FGFR3: variants seen among roughly 807,000 people sequenced by gnomAD.
FGFR3 encodes FGFR-3.
In FGFR3, 25 loss-of-function variants were observed where a neutral mutation model predicts 82.9. The ratio of observed to expected loss-of-function variants is 0.30; its 90% CI spans 0.22 to 0.42. The LOEUF is 0.42. Among genes scored for constraint, FGFR3 ranks in the 10% least tolerant of loss-of-function variants. The pLI is 1.00. For synonymous variants in FGFR3, 620 were observed against 516.0 expected (o/e 1.20, Z -2.73); for missense variants, 1,026 against 1,161.0 (o/e 0.88, Z 1.69).
chr4:1,793,606 C>T lies in FGFR3; in HGVS notation c.-103+141C>T, dbSNP rs17879199. 20,527 of 149,536 alleles carry T rather than the reference C, an allele frequency of 0.14. 1,690 individuals carry two copies. Among genetic ancestry groups the T allele is most frequent in the Middle Eastern group, 0.28 (82 of 288 alleles). 9.3% of individuals were successfully genotyped at this position (149,536 alleles called of 1,614,324 possible). ...GGGCTTCCCGCTCCGGAAAGTTTGC[C>T]GCCGCCGCCGCCCTGGGAGGGCTTT... is the stretch of plus-strand genomic sequence containing the variant. On this transcript the variant is annotated intron_variant, in intron 1 of 17. Transcript: ENST00000440486.
At chr4:1,803,136 C>A in intron 7 of FGFR3, 1 of 1,413,438 alleles carries the variant, frequency 7.1e-7, no homozygotes, top group East Asian at 2.9e-5. Context: ...GCCCTGCACG[C>A]CCCGCACGCC....
At position 1,806,682 on chromosome 4, in the gene FGFR3, C is replaced by T. The variant is rs1283465541; in HGVS notation, c.2167C>T (p.Leu723=). Residue 723 remains leucine, a splice_region_variant and synonymous_variant, in exon 16 of 18, where the codon CTG becomes TTG. Coordinates refer to ENST00000440486, the MANE Select transcript of FGFR3 (RefSeq NM_000142.5). ...MDKPANCTHD[L]YMIMRECWHA... Reference sequence around the variant, plus strand: ...CAAGCCCGCCAACTGCACACACGACCTGTGAGTGGCATCCCTGGCCCTCCA... The same window carrying T: ...CAAGCCCGCCAACTGCACACACGACTTGTGAGTGGCATCCCTGGCCCTCCA... 6.2e-7 allele frequency: 1 copy of T among 1,611,698 alleles called. No homozygotes were observed. Among genetic ancestry groups the T allele is most frequent in the Non-Finnish European group, 8.5e-7 (1 of 1,179,666 alleles).
In FGFR3 at chr4:1,806,699, G is replaced by T. The variant is rs371703270; in HGVS notation, c.2168+16G>T. 9.9e-5 allele frequency: 159 copies of T among 1,611,426 alleles called. No individual in the cohort carries two copies. Among genetic ancestry groups the T allele is most frequent in the Non-Finnish European group, 1.2e-4 (140 of 1,179,866 alleles). ...CACACGACCTGTGAGTGGCATCCCT[G>T]GCCCTCCACTGGGTCCTCAGGGGTG... is the stretch of plus-strand genomic sequence containing the variant. On this transcript the variant is annotated intron_variant, in intron 16 of 17. Coordinates refer to ENST00000440486, the MANE Select transcript of FGFR3 (RefSeq NM_000142.5).
intron 2 of FGFR3, among the ~76,000 whole-genome samples, chr4:1,797,630 G>A (rs1421543871): frequency 6.6e-6 from 1 of 152,246 alleles, no homozygotes; most frequent in African/African-American, 2.4e-5. Flanking sequence ...CGGCCTTCTG[G>A]GGGGCCTCGA....
chr4:1,802,984 G>T (rs1196388487), intron 7 of FGFR3: 1 of 1,600,744 alleles, frequency 6.2e-7, no homozygotes, highest in Admixed American at 1.7e-5. Context: ...CGGGACGGGG[G>T]CGAGTACCTC....
At position 1,807,035 on chromosome 4, in the gene FGFR3, C is replaced by T. The variant is rs961957413; in HGVS notation, c.2275-81C>T. On this transcript the variant is annotated intron_variant, in intron 17 of 17. Transcript: ENST00000440486. ...AGTGCTGAGGTGTGGGGCGGGCCTT[C>T]TGGGGCACAGCCTGGGCACAGAGGT... The T allele has an allele frequency of 4.5e-6, 7 of 1,551,544 alleles. No homozygotes were observed. In the South Asian group the frequency reaches 7.1e-5, roughly 16 times the overall value.
At chr4:1,804,306 G>T (rs202013904) in intron 8 of FGFR3, 24 bp from the exon 9 acceptor site, 454 of 1,576,782 alleles carry the variant, frequency 2.9e-4, no homozygotes, top group Non-Finnish European at 3.6e-4. Flanking sequence ...GCCAGGCCAG[G>T]CCTCAACGCC....
chr4:1,798,044 C>T (rs960946843), intron 2 of FGFR3, among the ~76,000 whole-genome samples: 15 of 151,368 alleles, frequency 9.9e-5, no homozygotes, highest in East Asian at 2.0e-4. Flanking sequence ...GCCCCAAGCC[C>T]GGGACGCCTG....
intron 8 of FGFR3, 96 bp from the exon 9 acceptor site, chr4:1,804,234 G>T: frequency 2.1e-6 from 3 of 1,400,338 alleles, no homozygotes; most frequent in Middle Eastern, 2.1e-4. Context: ...GCCCCCTTCC[G>T]CTCCCAGTGG....
chr4:1,799,613 T>A (rs1026712684), intron 3 of FGFR3, 90 bp downstream of exon 3: 8 of 1,550,012 alleles, frequency 5.2e-6, no homozygotes, highest in African/African-American at 4.1e-5. Flanking sequence ...TGGGGGTCTC[T>A]CTGGTCATTG....
At chr4:1,802,082 G>C in intron 7 of FGFR3, 57 bp downstream of exon 7, 1 of 1,561,722 alleles carries the variant, frequency 6.4e-7, no homozygotes, top group South Asian at 1.2e-5. Flanking sequence ...TGGCCCCAAG[G>C]GTGCCCCTTG....
intron 4 of FGFR3, among the ~76,000 whole-genome samples, 186 bp downstream of exon 4, chr4:1,799,998 C>G (rs532238481): frequency 1.6e-4 from 24 of 152,302 alleles, no homozygotes; most frequent in African/African-American, 5.8e-4. Flanking sequence ...ATGCCCCACC[C>G]TGGTGGCAGG....
chr4:1,795,549 C>G (rs1236858934), intron 2 of FGFR3, among the ~76,000 whole-genome samples: 1 of 152,202 alleles, frequency 6.6e-6, no homozygotes, highest in African/African-American at 2.4e-5. Context: ...ATACAAAGAC[C>G]TCGTGAAATG....
At chr4:1,806,398 A>C (rs1264742414) in intron 15 of FGFR3, 71 bp downstream of exon 15, 5 of 1,604,026 alleles carry the variant, frequency 3.1e-6, no homozygotes, top group Non-Finnish European at 4.3e-6. Context: ...CCCCAGCTGC[A>C]GTCCCCAGGC....
rs751115449 is a variant in FGFR3, at chr4:1,807,252, C to T, written c.2411C>T (p.Ser804Leu). 1.3e-5 allele frequency: 21 copies of T among 1,602,244 alleles called. No individual in the cohort carries two copies. In the South Asian group the frequency reaches 1.6e-4, roughly 12 times the overall value. The change falls in exon 18 of 18, where the codon TCG (serine) becomes TTG (leucine). Residue 804 changes from serine (S) to leucine (L), a missense_variant. Ser to Leu is a moderately radical substitution (Grantham distance 145, BLOSUM62 -2). This residue lies in a region of FGFR3 where 155 missense variants were observed against 150.2 expected (regional missense o/e 1.03). Coordinates refer to ENST00000440486, the MANE Select transcript of FGFR3 (RefSeq NM_000142.5). ...LPPAPPSSGG[S>L]RT is the part of the protein sequence containing the mutation. ...CCGGCCCCACCCAGCAGTGGGGGCT[C>T]GCGGACGTGAAGGGCCACTGGTCCC...
At position 1,807,113 on chromosome 4, in the gene FGFR3, C is replaced by T. The variant is rs770863154; in HGVS notation, c.2275-3C>T. 2.8e-5 allele frequency: 44 copies of T among 1,577,994 alleles called. No individual in the cohort carries two copies. The highest frequency in any genetic ancestry group is 3.6e-5 in the Admixed American group (2 of 55,500). ...CAGCGCTCACCCCGCCTCCCGCCAG[C>T]AGGAGTACCTGGACCTGTCGGCGCC... On this transcript the variant is annotated splice_polypyrimidine_tract_variant and splice_region_variant and intron_variant, in intron 17 of 17. Transcript: ENST00000440486.
intron 2 of FGFR3, 144 bp from the exon 3 acceptor site, chr4:1,799,110 C>T: frequency 8.6e-7 from 1 of 1,157,004 alleles, no homozygotes; most frequent in Admixed American, 1.8e-5. Flanking sequence ...TTTTGGGACA[C>T]AGTTTCCAGC....
In FGFR3 at chr4:1,807,348, G is replaced by C; in HGVS notation, c.*86G>C. 2 of 1,513,534 alleles carry C rather than the reference G, an allele frequency of 1.3e-6. No homozygotes were observed. Among genetic ancestry groups the C allele is most frequent in the East Asian group, 2.4e-5 (1 of 40,894 alleles). The allele number at this position is 1,513,534 out of a possible 1,614,324, so 93.8% of individuals were successfully genotyped here. On this transcript the variant is annotated 3_prime_UTR_variant, in exon 18 of 18. Transcript: ENST00000440486. ...CAGCCACTCCCCGGCATGAGACTCA[G>C]TGCAGATGGAGAGACAGCTACACAG...
chr4:1,807,920 A>G lies in FGFR3; in HGVS notation c.*658A>G, dbSNP rs767989545. The G allele has an allele frequency of 1.1e-5, 3 of 272,332 alleles. No homozygotes were observed. The highest frequency in any genetic ancestry group is 2.1e-5 in the Non-Finnish European group (3 of 141,166). 16.9% of individuals were successfully genotyped at this position (272,332 alleles called of 1,614,324 possible). A position where few individuals can be genotyped will look rare whatever the true frequency, so the allele number is the denominator to read the frequency against. ...ATATATACATATATATATATAACAT[A>G]TATGGAAGAGGAAAAGGCTGGTACA... is the stretch of plus-strand genomic sequence containing the variant. On this transcript the variant is annotated 3_prime_UTR_variant, in exon 18 of 18. Transcript: ENST00000440486.
Sources: gnomAD v4.1 joint callset for allele counts (sites outside exome capture counted in the v4.1 genomes callset) on GRCh38, gnomAD v4.1.1 for gene constraint, gnomAD v4.1.1 regional missense constraint, MANE v1.5 for transcripts, NCBI Gene and HGNC (gene_info 2026-07-23, HGNC 2026-07-21) for gene names.